Variants in CHIC2 observed in about 807,000 individuals in gnomAD.
CHIC2 encodes cysteine rich hydrophobic domain 2.
In CHIC2, 14 loss-of-function variants were observed where a neutral mutation model predicts 25.9. That is an observed-to-expected ratio of 0.54 (90% confidence interval 0.36 to 0.85). The LOEUF is 0.85. Ranked by LOEUF, CHIC2 falls within the 40% of genes least tolerant of loss-of-function variation. CHIC2 has a pLI of 0.01. For missense variants in CHIC2, 146 were observed against 202.0 expected (o/e 0.72, Z 1.68); for synonymous variants, 70 against 72.0 (o/e 0.97, Z 0.14).
In CHIC2 at chr4:54,058,549, TACACACACATAC is replaced by T. The variant is rs1277069932; in HGVS notation, c.119+5621_119+5632del. On this transcript the variant is annotated intron_variant, in intron 1 of 5. Coordinates refer to ENST00000263921, the MANE Select transcript of CHIC2 (RefSeq NM_012110.4). ...TTGGGTCAAAAGTCACATACACACA[TACACACACATAC>T]ACACACACACACACACACACACACA... Among the ~76,000 whole-genome samples the T allele has an allele frequency of 1.0e-3, 131 of 127,006 alleles. 1 individual carries two copies. The highest frequency in any genetic ancestry group is 1.9e-3 in the Non-Finnish European group (110 of 59,012). The allele number at this position is 127,006 out of a possible 152,430, so 83.3% of individuals were successfully genotyped here.
intron 3 of CHIC2, among the ~76,000 whole-genome samples, chr4:54,048,196 G>GCCAGA (rs1289119087): frequency 6.6e-6 from 1 of 152,116 alleles, no homozygotes; most frequent in African/African-American, 2.4e-5. Flanking sequence ...TACCATGTAC[G>GCCAGA]CCAGACTGGT....
the CHIC2 span, among the ~76,000 whole-genome samples, chr4:54,091,387 C>G: frequency 6.6e-6 from 1 of 152,302 alleles, no homozygotes; most frequent in East Asian, 1.9e-4. Flanking sequence ...GCCGGGCACA[C>G]GCAGACACAC....
In CHIC2 at chr4:54,059,616, T is replaced by G. The variant is rs144646640; in HGVS notation, c.119+4566A>C. The G allele has an allele frequency of 8.4e-4, 128 of 152,188 alleles. No individual in the cohort carries two copies. The East Asian group carries it at 0.019, about 23-fold the overall frequency. 9.4% of individuals were successfully genotyped at this position (152,188 alleles called of 1,614,324 possible). On this transcript the variant is annotated intron_variant, in intron 1 of 5. Coordinates refer to ENST00000263921, the MANE Select transcript of CHIC2 (RefSeq NM_012110.4). ...AAAAATCTACCTTAATTTGATAATT[T>G]CCTCACAATTACCAGATTTCATTTT...
intron 3 of CHIC2, among the ~76,000 whole-genome samples, chr4:54,033,842 T>C (rs1237028700): frequency 1.3e-5 from 2 of 152,198 alleles, no homozygotes; most frequent in African/African-American, 4.8e-5. Context: ...TTTTTGGCTC[T>C]GTCTCTTCTG....
chr4:54,013,905 G>A lies in CHIC2; in HGVS notation c.388-9C>T, dbSNP rs1715664451. 27 of 1,613,066 alleles carry A rather than the reference G, an allele frequency of 1.7e-5. No individual in the cohort carries two copies. Among genetic ancestry groups the A allele is most frequent in the Non-Finnish European group, 2.0e-5 (24 of 1,179,338 alleles). The stretch of plus-strand genomic sequence containing the variant: ...CTCCAATGCAAGCACAGCTAGACAA[G>A]TAGGAAAGTAAAAGAAGAAAAATGA... On this transcript the variant is annotated splice_polypyrimidine_tract_variant and intron_variant, in intron 4 of 5. Coordinates refer to ENST00000263921, the MANE Select transcript of CHIC2 (RefSeq NM_012110.4).
rs1717430934 is a variant in CHIC2, at chr4:54,064,205, G to A, written c.96C>T (p.Val32=). The A allele has an allele frequency of 1.2e-6, 2 of 1,605,678 alleles. No homozygotes were observed. Among genetic ancestry groups the A allele is most frequent in the Non-Finnish European group, 1.7e-6 (2 of 1,176,270 alleles). ...ACACGGTGACGTGACCGGAGCCGCG[G>A]ACGACCACCGGGTCCGGCGAGTACT... The part of the protein sequence containing the change: ...LLKYSPDPVV[V]RGSGHVTVFG... Residue 32 remains valine, a synonymous_variant, in exon 1 of 6, where the codon GTC becomes GTT. Transcript: ENST00000263921. The surrounding 1 kb of genome is among the most constrained non-coding windows in gnomAD (Gnocchi z 4.2).
rs1027873383 is a variant in CHIC2 at position 54,062,943 on chromosome 4, T to C, written c.119+1239A>G. On this transcript the variant is annotated intron_variant, in intron 1 of 5. Transcript: ENST00000263921. ...TGGTGAATTAAATTCCACTGTCTTG[T>C]CATGGTGCTGTGATGGCAATTATGC... is the stretch of plus-strand genomic sequence containing the variant. Among the ~76,000 whole-genome samples, 15 of 152,224 alleles carry C rather than the reference T, an allele frequency of 9.9e-5. 1 individual carries two copies. Among genetic ancestry groups the C allele is most frequent in the Non-Finnish European group, 5.9e-5 (4 of 68,030 alleles).
At chr4:54,019,293 C>T (rs1715829821) in intron 3 of CHIC2, among the ~76,000 whole-genome samples, 1 of 151,862 alleles carries the variant, frequency 6.6e-6, no homozygotes, top group Admixed American at 6.6e-5. Flanking sequence ...AAACAAATTC[C>T]TTTCCTGTAC....
At chr4:54,023,357 T>C (rs1715961908) in intron 3 of CHIC2, among the ~76,000 whole-genome samples, 2 of 152,176 alleles carry the variant, frequency 1.3e-5, no homozygotes, top group African/African-American at 4.8e-5. Flanking sequence ...CAACTCACTC[T>C]CTACAGTTCT....
chr4:54,032,380 C>CGAG (rs1188274092), intron 3 of CHIC2, among the ~76,000 whole-genome samples: 1,520 of 151,344 alleles, frequency 0.01, 18 homozygotes, highest in African/African-American at 0.034. Context: ...ATTCTCCTGC[C>CGAG]TCAGCCTGCC....
chr4:54,035,367 G>A (rs1716355203), intron 3 of CHIC2, among the ~76,000 whole-genome samples: 1 of 152,040 alleles, frequency 6.6e-6, no homozygotes, highest in South Asian at 2.1e-4. Context: ...ATCTGGGCCT[G>A]GAATTTTCTT....
the CHIC2 span, among the ~76,000 whole-genome samples, chr4:54,089,896 C>G: frequency 6.6e-6 from 1 of 152,266 alleles, no homozygotes; most frequent in Middle Eastern, 3.4e-3. Flanking sequence ...AACATGACAT[C>G]ACAAGTGGAA....
chr4:54,039,013 G>A (rs114819797), intron 3 of CHIC2, among the ~76,000 whole-genome samples: 2,512 of 152,096 alleles, frequency 0.017, 70 homozygotes, highest in African/African-American at 0.053. Context: ...GCAATTCAAG[G>A]GAAAAAGGAT....
chr4:54,010,986 C>G (rs1362408536), intron 5 of CHIC2, among the ~76,000 whole-genome samples: 1 of 152,088 alleles, frequency 6.6e-6, no homozygotes, highest in Non-Finnish European at 1.5e-5. Flanking sequence ...CAGAATTACA[C>G]AAAGTGACCA....
chr4:54,067,927 C>CG (rs985761871), upstream of CHIC2, among the ~76,000 whole-genome samples: 4 of 151,028 alleles, frequency 2.6e-5, no homozygotes, highest in South Asian at 2.1e-4. Flanking sequence ...TGTCCCCCCC[C>CG]CCAAATTCAT....
In CHIC2 at chr4:54,040,395, C is replaced by T. The variant is rs1226588181; in HGVS notation, c.330+8560G>A. On this transcript the variant is annotated intron_variant, in intron 3 of 5. Coordinates refer to ENST00000263921, the MANE Select transcript of CHIC2 (RefSeq NM_012110.4). ...CAGCCTGGCCAAAATGGTGAAACCC[C>T]GTCTCTACCAAAAATATAAAAATTA... is the stretch of plus-strand genomic sequence containing the variant. Among the ~76,000 whole-genome samples the T allele has an allele frequency of 2.6e-5, 4 of 151,680 alleles. 1 individual carries two copies. Among genetic ancestry groups the T allele is most frequent in the South Asian group, 4.1e-4 (2 of 4,822 alleles).
Position 54,009,977 on chromosome 4 carries a change from C to CAA in CHIC2, c.*116_*117dup. ...TTTAAAAAAAAAACAAAAACAAAAA[C>CAA]AAAAAAAACACCACACGATTCTGTA... On this transcript the variant is annotated 3_prime_UTR_variant, in exon 6 of 6. Transcript: ENST00000263921. 4.3e-6 allele frequency: 2 copies of CAA among 464,570 alleles called. No homozygotes were observed. Among genetic ancestry groups the CAA allele is most frequent in the Non-Finnish European group, 7.3e-6 (2 of 275,212 alleles). The allele number at this position is 464,570 out of a possible 1,614,324, so 28.8% of individuals were successfully genotyped here. A position where few individuals can be genotyped will look rare whatever the true frequency, so the allele number is the denominator to read the frequency against.
At chr4:54,033,423 T>C (rs888958837) in intron 3 of CHIC2, among the ~76,000 whole-genome samples, 1 of 152,212 alleles carries the variant, frequency 6.6e-6, no homozygotes, top group African/African-American at 2.4e-5. Context: ...TTGAGAATTC[T>C]TTATATATTC....
chr4:54,060,994 T>C (rs1222834457), intron 1 of CHIC2: 1 of 152,112 alleles, frequency 6.6e-6, no homozygotes, highest in Non-Finnish European at 1.5e-5. Context: ...TTTCCCCATA[T>C]TGCTACCTAG....
Sources: gnomAD v4.1 joint callset for allele counts (sites outside exome capture counted in the v4.1 genomes callset) on GRCh38, gnomAD v4.1.1 for gene constraint, Gnocchi (gnomAD v3.1) non-coding constraint, MANE v1.5 for transcripts, NCBI Gene and HGNC (gene_info 2026-07-23, HGNC 2026-07-21) for gene names.